Variants in ANKHD1 observed in about 807,000 individuals in gnomAD.
ANKHD1 encodes ankyrin repeat and KH domain-containing protein 1.
ANKHD1 carries 31 observed loss-of-function variants against 230.5 expected under a neutral mutation model. That is an observed-to-expected ratio of 0.13 (90% CI 0.10 to 0.18). The LOEUF (loss-of-function observed/expected upper bound fraction) is 0.18, where lower values mean the gene tolerates loss of function less well. Among genes scored for constraint, ANKHD1 ranks in the 10% least tolerant of loss-of-function variants. ANKHD1 has a pLI of 1.00. For missense variants in ANKHD1, 2,256 were observed against 3,071.3 expected, an observed-to-expected ratio of 0.73 and a Z score of 6.27; for synonymous variants, 1,074 against 1,117.6, an observed-to-expected ratio of 0.96 and a Z score of 0.78.
At position 140,504,941 on chromosome 5, in the gene ANKHD1, A is replaced by G. The variant is rs1752481072; in HGVS notation, c.3125A>G (p.Tyr1042Cys). ...NVASQSMPPV[Y>C]PSVDIDAHTE... ...GCTTCCCAATCGATGCCTCCTGTGTATCCTTCAGTTGACATTGATGCACAT... is the reference window on the plus strand; with the variant it reads ...GCTTCCCAATCGATGCCTCCTGTGTGTCCTTCAGTTGACATTGATGCACAT... Residue 1042 changes from tyrosine (Y) to cysteine (C), a missense_variant, in exon 16 of 34, where the codon TAT (tyrosine) becomes TGT (cysteine). Tyr to Cys is a radical substitution (Grantham distance 194). Coordinates refer to ENST00000360839, the MANE Select transcript of ANKHD1 (RefSeq NM_017747.3). The G allele has an allele frequency of 1.9e-6, 3 of 1,614,130 alleles. No individual in the cohort carries two copies. The highest frequency in any genetic ancestry group is 2.5e-6 in the Non-Finnish European group (3 of 1,180,012).
rs543786978 is a variant in ANKHD1 at position 140,499,871 on chromosome 5, C to CT, written c.3004+2608dup. Among the ~76,000 whole-genome samples the CT allele has an allele frequency of 6.1e-3, 852 of 140,424 alleles. 9 individuals are homozygous for CT. The highest frequency in any genetic ancestry group is 0.029 in the East Asian group (141 of 4,858). The allele number at this position is 140,424 out of a possible 152,430, so 92.1% of individuals were successfully genotyped here. On this transcript the variant is annotated intron_variant, in intron 15 of 33. Coordinates refer to ENST00000360839, the MANE Select transcript of ANKHD1 (RefSeq NM_017747.3). Reference sequence around the variant, plus strand: ...AGAAATACTTAGTAAAATTTTCTTTCTTTTTTTTTTTTTTTGAGATAGAGT... The same window carrying CT: ...AGAAATACTTAGTAAAATTTTCTTTCTTTTTTTTTTTTTTTTGAGATAGAGT...
intron 9 of ANKHD1, among the ~76,000 whole-genome samples, chr5:140,463,065 T>G (rs1188509614): frequency 6.6e-6 from 1 of 152,020 alleles, no homozygotes; most frequent in African/African-American, 2.4e-5. Context: ...CTTAGGCTGA[T>G]CTCAAAGTCT....
At chr5:140,509,497 A>G in intron 20 of ANKHD1, 140 bp from the exon 21 acceptor site, 1 of 1,014,730 alleles carries the variant, frequency 9.9e-7, no homozygotes, top group Non-Finnish European at 1.3e-6. Context: ...TAGCTCTTTT[A>G]TGAGAGCTAA....
intron 25 of ANKHD1, among the ~76,000 whole-genome samples, chr5:140,525,482 G>A (rs1753561117): frequency 6.6e-6 from 1 of 152,104 alleles, no homozygotes; most frequent in Non-Finnish European, 1.5e-5. Context: ...AGGAGATCTT[G>A]AACTCTTGAG....
intron 14 of ANKHD1, among the ~76,000 whole-genome samples, chr5:140,492,484 T>C (rs1287223120): frequency 6.6e-6 from 1 of 152,196 alleles, no homozygotes; most frequent in Non-Finnish European, 1.5e-5. Flanking sequence ...ATGACCACAA[T>C]AAGAAACATT....
intron 1 of ANKHD1, among the ~76,000 whole-genome samples, chr5:140,434,585 C>T (rs1773300917): frequency 6.6e-6 from 1 of 151,590 alleles, no homozygotes; most frequent in South Asian, 2.1e-4. Flanking sequence ...CACATATGTA[C>T]ATTTAGCAAA....
chr5:140,526,945 C>T lies in ANKHD1; in HGVS notation c.4958C>T (p.Thr1653Ile), dbSNP rs375265433. The T allele has an allele frequency of 3.4e-5, 55 of 1,611,958 alleles. No individual in the cohort carries two copies. Among genetic ancestry groups the T allele is most frequent in the Non-Finnish European group, 4.5e-5 (53 of 1,179,328 alleles). The change falls in exon 27 of 34, where the codon ACT becomes ATT. Residue 1653 changes from threonine (T) to isoleucine (I), a missense_variant. Physicochemically the swap from Thr to Ile is moderately conservative, Grantham distance 89. Around this residue, in one of 13 missense-constraint regions of ANKHD1, gnomAD observed 212 missense variants for 257.3 expected, o/e 0.82. Transcript: ENST00000360839. ...CTTCTTAGACTTGAAGGTGAAGTGA[C>T]TCCTAATTCCTTGTCAACCAGCTAC... ...KTQTRLEGEV[T>I]PNSLSTSYKT...
chr5:140,508,046 A>ATTC (rs1199924553), intron 20 of ANKHD1, 48 bp downstream of exon 20: 1 of 1,570,132 alleles, frequency 6.4e-7, no homozygotes, highest in Non-Finnish European at 8.6e-7. Flanking sequence ...TTCTGTAGAA[A>ATTC]GAACATGGCA....
chr5:140,506,702 G>T lies in ANKHD1; in HGVS notation c.3409-133G>T. The T allele has an allele frequency of 1.5e-6, 2 of 1,319,004 alleles. No homozygotes were observed. Among genetic ancestry groups the T allele is most frequent in the East Asian group, 2.5e-5 (1 of 39,368 alleles). 81.7% of individuals were successfully genotyped at this position (1,319,004 alleles called of 1,614,324 possible). A position where few individuals can be genotyped will look rare whatever the true frequency, so the allele number is the denominator to read the frequency against. On this transcript the variant is annotated intron_variant, in intron 18 of 33. Coordinates refer to ENST00000360839, the MANE Select transcript of ANKHD1 (RefSeq NM_017747.3). This position sits in a 1 kb window ranked among gnomAD's most constrained non-coding sequence, Gnocchi z 4.7. ...CTAGTGTTGATATTTCAATATTTAGGGTCTAATGAAATGTAATTAAAATAT... is the reference window on the plus strand; with the variant it reads ...CTAGTGTTGATATTTCAATATTTAGTGTCTAATGAAATGTAATTAAAATAT...
At chr5:140,450,627 C>CT (rs1414881970) in intron 7 of ANKHD1, among the ~76,000 whole-genome samples, 1 of 151,964 alleles carries the variant, frequency 6.6e-6, no homozygotes, top group Non-Finnish European at 1.5e-5. Flanking sequence ...ACAGCCTGTA[C>CT]CTCCTGTACT....
intron 1 of ANKHD1, among the ~76,000 whole-genome samples, chr5:140,434,340 C>G (rs1319242431): frequency 6.6e-6 from 1 of 151,064 alleles, no homozygotes; most frequent in Non-Finnish European, 1.5e-5. Flanking sequence ...TCTTTCTGTT[C>G]CTGATGTTTT....
At chr5:140,461,473 CAAAT>C (rs990736735) in intron 9 of ANKHD1, among the ~76,000 whole-genome samples, 1 of 152,062 alleles carries the variant, frequency 6.6e-6, no homozygotes, top group Non-Finnish European at 1.5e-5. Context: ...AAAGAAAACT[CAAAT>C]AAGGCCTATA....
intron 15 of ANKHD1, among the ~76,000 whole-genome samples, chr5:140,500,158 C>T (rs1263578399): frequency 6.6e-6 from 1 of 151,938 alleles, no homozygotes; most frequent in African/African-American, 2.4e-5. Flanking sequence ...CGTGAGCCAC[C>T]GCGCCTGGCC....
At chr5:140,478,975 TTTTA>T (rs1340282217) in intron 10 of ANKHD1, among the ~76,000 whole-genome samples, 1 of 126,230 alleles carries the variant, frequency 7.9e-6, no homozygotes, top group South Asian at 2.7e-4. Context: ...TTTATTTTTA[TTTTA>T]TTTATTTTTT....
rs548842163 is a variant in ANKHD1, at chr5:140,500,344, T to C, written c.3004+3066T>C. ...ATAAGTCCTTTTCCCACCTCTATTT[T>C]TCTGTTGAAAAACTGAAGCTGGCCG... On this transcript the variant is annotated intron_variant, in intron 15 of 33. Transcript: ENST00000360839. 4.6e-4 allele frequency among the ~76,000 whole-genome samples: 70 copies of C among 152,244 alleles called. 1 individual carries two copies. Among genetic ancestry groups the C allele is most frequent in the Middle Eastern group, 6.8e-3 (2 of 294 alleles).
intron 1 of ANKHD1, among the ~76,000 whole-genome samples, chr5:140,420,516 G>A (rs1036272451): frequency 1.3e-4 from 20 of 152,172 alleles, no homozygotes; most frequent in South Asian, 2.1e-4. Flanking sequence ...TATATAAGGC[G>A]TGAGGTAGAG....
intron 1 of ANKHD1, among the ~76,000 whole-genome samples, chr5:140,409,621 C>T (rs546736645): frequency 2.0e-5 from 3 of 150,624 alleles, no homozygotes; most frequent in Admixed American, 1.3e-4. Flanking sequence ...GGCAGGATCT[C>T]GGCTCACTGC....
chr5:140,458,983 T>TATATATGC (rs1775473350), intron 8 of ANKHD1, 121 bp downstream of exon 8: 2 of 20,126 alleles, frequency 9.9e-5, no homozygotes, highest in Non-Finnish European at 1.7e-4. Context: ...TATATATGCA[T>TATATATGC]ATATATATAT....
At chr5:140,500,648 CAAA>C (rs376975917) in intron 15 of ANKHD1, among the ~76,000 whole-genome samples, 1 of 78,746 alleles carries the variant, frequency 1.3e-5, no homozygotes, top group Non-Finnish European at 2.5e-5. Context: ...GACTCTGTCT[CAAA>C]AAAAAAAAAA....
Sources: allele counts gnomAD v4.1 joint callset (sites outside exome capture counted in the v4.1 genomes callset), GRCh38; gene constraint gnomAD v4.1.1; regional missense constraint gnomAD v4.1.1; non-coding constraint Gnocchi (gnomAD v3.1); transcripts MANE v1.5; gene names NCBI Gene and HGNC (gene_info 2026-07-23, HGNC 2026-07-21).